Variants in KIAA0825 observed in about 807,000 individuals in gnomAD.
The protein encoded by KIAA0825 is uncharacterized protein KIAA0825.
A neutral mutation model predicts 147.6 loss-of-function variants in KIAA0825; 119 were observed. The ratio of observed to expected loss-of-function variants is 0.81; its 90% CI spans 0.69 to 0.94. KIAA0825 has a LOEUF of 0.94. KIAA0825 is among the 40% of genes least tolerant of loss of function. The pLI, the probability that KIAA0825 is intolerant of heterozygous loss-of-function variation, is 0.00. For missense variants in KIAA0825, 1,381 were observed against 1,472.7 expected (o/e 0.94, Z 1.02); for synonymous variants, 470 against 518.1 (o/e 0.91, Z 1.26).
intron 20 of KIAA0825, among the ~76,000 whole-genome samples, chr5:94,302,073 A>G (rs1311227821): frequency 6.6e-6 from 1 of 152,142 alleles, no homozygotes; most frequent in East Asian, 1.9e-4. Flanking sequence ...CCTCCATAGC[A>G]GAGCTCATCT....
At chr5:94,249,732 A>AT (rs978356142) in intron 20 of KIAA0825, among the ~76,000 whole-genome samples, 14 of 138,942 alleles carry the variant, frequency 1.0e-4, no homozygotes, top group African/African-American at 1.6e-4. Context: ...AAGAAGCCTT[A>AT]TTTTTTTTTG....
chr5:94,273,659 A>G (rs950595716), intron 20 of KIAA0825, among the ~76,000 whole-genome samples: 1 of 152,162 alleles, frequency 6.6e-6, no homozygotes, highest in Admixed American at 6.6e-5. Context: ...CCTACAGCTC[A>G]GCGAATTTCT....
chr5:94,487,924 A>G (rs1238280970), intron 5 of KIAA0825, among the ~76,000 whole-genome samples: 1 of 152,128 alleles, frequency 6.6e-6, no homozygotes, highest in Non-Finnish European at 1.5e-5. Context: ...CTGCACTCCA[A>G]CCTGGGCCAC....
chr5:94,308,175 C>A (rs532715624), intron 20 of KIAA0825, among the ~76,000 whole-genome samples: 2 of 151,886 alleles, frequency 1.3e-5, no homozygotes, highest in South Asian at 4.1e-4. Flanking sequence ...TGAAATTCTA[C>A]AAACATTTAT....
chr5:94,560,975 T>C (rs1244856366), intron 2 of KIAA0825, among the ~76,000 whole-genome samples: 4 of 152,210 alleles, frequency 2.6e-5, no homozygotes, highest in Non-Finnish European at 5.9e-5. Context: ...TCACAGGTGA[T>C]TTTATATTTA....
At chr5:94,451,530 C>A (rs1758404642) in intron 13 of KIAA0825, among the ~76,000 whole-genome samples, 1 of 152,126 alleles carries the variant, frequency 6.6e-6, no homozygotes, top group African/African-American at 2.4e-5. Context: ...ATGTTCTAGT[C>A]TTTGTGTTAG....
At chr5:94,510,585 T>A (rs1766347109) in intron 5 of KIAA0825, among the ~76,000 whole-genome samples, 1 of 152,188 alleles carries the variant, frequency 6.6e-6, no homozygotes, top group Admixed American at 6.5e-5. Flanking sequence ...TAGATCTCCA[T>A]TTAGATAGCC....
chr5:94,610,069 TA>T (rs1284933070), intron 1 of KIAA0825, among the ~76,000 whole-genome samples: 2 of 152,186 alleles, frequency 1.3e-5, no homozygotes, highest in African/African-American at 4.8e-5. Context: ...CTTGCATTTT[TA>T]AAATGAAAAA....
At chr5:94,347,822 G>A (rs1317605590) in intron 20 of KIAA0825, among the ~76,000 whole-genome samples, 1 of 152,166 alleles carries the variant, frequency 6.6e-6, no homozygotes, top group Non-Finnish European at 1.5e-5. Flanking sequence ...AAGAATTCAG[G>A]AGATTAGTTA....
chr5:94,535,563 T>C (rs1272147614), intron 3 of KIAA0825, among the ~76,000 whole-genome samples: 4 of 151,380 alleles, frequency 2.6e-5, no homozygotes, highest in Non-Finnish European at 5.9e-5. Context: ...CATGTATCTA[T>C]TCCTCGGAAG....
intron 20 of KIAA0825, among the ~76,000 whole-genome samples, chr5:94,178,438 T>C (rs1172210175): frequency 6.6e-6 from 1 of 151,954 alleles, no homozygotes; most frequent in Non-Finnish European, 1.5e-5. Flanking sequence ...TCTTCTTAGG[T>C]ATCCTTTTTT....
chr5:94,207,219 C>T (rs533635396), intron 20 of KIAA0825, among the ~76,000 whole-genome samples: 1 of 152,268 alleles, frequency 6.6e-6, no homozygotes, highest in South Asian at 2.1e-4. Context: ...TAAAGCAGAA[C>T]CCACTGAGAT....
In KIAA0825 at chr5:94,520,491, C is replaced by A; in HGVS notation, c.727G>T (p.Gly243Ter). Reference sequence around the variant, plus strand: ...AACTTAAGCATTGTACTTTGATATCCATGAGCTATTACATCTAAATTTGAA... The same window carrying A: ...AACTTAAGCATTGTACTTTGATATCAATGAGCTATTACATCTAAATTTGAA... ...RDSNLDVIAH[G>*]YQSTMLKLYS... The change falls in exon 5 of 21, where the codon GGA (glycine) becomes TGA (stop). Residue 243 changes from glycine to a stop codon, truncating the protein, a stop_gained. Coordinates refer to ENST00000682413, the MANE Select transcript of KIAA0825 (RefSeq NM_001145678.3). LOFTEE classifies it high-confidence loss of function. The A allele has an allele frequency of 6.2e-7, 1 of 1,612,946 alleles. No individual in the cohort carries two copies. Among genetic ancestry groups the A allele is most frequent in the Non-Finnish European group, 8.5e-7 (1 of 1,179,180 alleles).
At chr5:94,606,676 G>T (rs1787551031) in intron 1 of KIAA0825, among the ~76,000 whole-genome samples, 1 of 152,130 alleles carries the variant, frequency 6.6e-6, no homozygotes, top group Non-Finnish European at 1.5e-5. Flanking sequence ...TACAGAATGG[G>T]AGAAAATATT....
chr5:94,223,865 C>T lies in KIAA0825; in HGVS notation c.3711-69741G>A, dbSNP rs150225511. On this transcript the variant is annotated intron_variant, in intron 20 of 20. Transcript: ENST00000682413. Reference sequence around the variant, plus strand: ...AACATGCCTTAGTTAAAGATTAATTCAAAGAAAAGCCCTCTTTGGGATTCA... The same window carrying T: ...AACATGCCTTAGTTAAAGATTAATTTAAAGAAAAGCCCTCTTTGGGATTCA... Among the ~76,000 whole-genome samples the T allele has an allele frequency of 2.0e-5, 3 of 152,068 alleles. No individual in the cohort carries two copies. The East Asian group carries it at 5.8e-4, about 29-fold the overall frequency.
At chr5:94,254,381 G>A (rs993680608) in intron 20 of KIAA0825, among the ~76,000 whole-genome samples, 2 of 152,070 alleles carry the variant, frequency 1.3e-5, no homozygotes, top group African/African-American at 4.8e-5. Flanking sequence ...TTTGTTCTGT[G>A]GTCACAGACG....
At chr5:94,162,069 G>T (rs1767634821) in intron 20 of KIAA0825, among the ~76,000 whole-genome samples, 1 of 152,124 alleles carries the variant, frequency 6.6e-6, no homozygotes. Context: ...GCCTCTAAAT[G>T]ACACCAGTAT....
chr5:94,251,124 C>A (rs759315746), intron 20 of KIAA0825, among the ~76,000 whole-genome samples: 2 of 151,982 alleles, frequency 1.3e-5, no homozygotes. Flanking sequence ...TTTTCATTTT[C>A]GACAACACTC....
In KIAA0825 at chr5:94,403,704, C is replaced by T; in HGVS notation, c.2752G>A (p.Val918Ile). 1 of 1,551,592 alleles carries T rather than the reference C, an allele frequency of 6.4e-7. No homozygotes were observed. The highest frequency in any genetic ancestry group is 8.7e-7 in the Non-Finnish European group (1 of 1,146,914). Reference protein sequence around the residue: ...DAIKDTVQQIVSVMSSRRNCE... With the variant: ...DAIKDTVQQIISVMSSRRNCE... ...TTTCTCCTAGAACTCATTACAGATA[C>T]TATCTGCTGTACAGTGTCCTTGATG... The change falls in exon 16 of 21, where the codon GTA (valine) becomes ATA (isoleucine). Residue 918 changes from valine to isoleucine, a missense_variant. Coordinates refer to ENST00000682413, the MANE Select transcript of KIAA0825 (RefSeq NM_001145678.3).
Sources: allele counts gnomAD v4.1 joint callset (sites outside exome capture counted in the v4.1 genomes callset), GRCh38; gene constraint gnomAD v4.1.1; transcripts MANE v1.5; gene names NCBI Gene and HGNC (gene_info 2026-07-23, HGNC 2026-07-21).